Variants in ASTN2 observed in about 807,000 individuals in gnomAD.
ASTN2 encodes astrotactin 2, also known as astrotactin-2.
ASTN2 carries 54 observed loss-of-function variants against 139.8 expected under a neutral mutation model. That is an observed-to-expected ratio of 0.39 (90% confidence interval 0.31 to 0.48). The LOEUF (loss-of-function observed/expected upper bound fraction) is 0.48, where lower values mean the gene tolerates loss of function less well. Ranked by LOEUF, ASTN2 falls within the 20% of genes least tolerant of loss-of-function variation. The pLI is 0.95. For missense variants in ASTN2, 1,565 were observed against 1,725.1 expected (o/e 0.91, Z 1.64); for synonymous variants, 756 against 719.5 (o/e 1.05, Z -0.81).
intron 19 of ASTN2, chr9:116,583,600 A>C (rs1854035388): frequency 6.6e-6 from 1 of 151,996 alleles, no homozygotes; most frequent in Non-Finnish European, 1.5e-5. Flanking sequence ...AAAAGTTTTC[A>C]GAAGGTGAAA....
At chr9:116,850,419 C>A (rs886126847) in intron 11 of ASTN2, among the ~76,000 whole-genome samples, 1 of 152,128 alleles carries the variant, frequency 6.6e-6, no homozygotes, top group Non-Finnish European at 1.5e-5. Context: ...TGCTGGGAAG[C>A]CAGACCCCAG....
At chr9:116,472,463 T>C (rs545669716) in intron 20 of ASTN2, among the ~76,000 whole-genome samples, 1 of 152,310 alleles carries the variant, frequency 6.6e-6, no homozygotes, top group South Asian at 2.1e-4. Flanking sequence ...CCAATATGAT[T>C]AGCTGCTTAA....
intron 13 of ASTN2, among the ~76,000 whole-genome samples, chr9:116,797,796 G>T (rs539180689): frequency 5.9e-5 from 9 of 152,302 alleles, no homozygotes; most frequent in Admixed American, 2.0e-4. Context: ...TTCTCTATGG[G>T]ACCTTGGCAT....
At chr9:117,074,594 C>A (rs1183091666) in intron 5 of ASTN2, among the ~76,000 whole-genome samples, 1 of 152,128 alleles carries the variant, frequency 6.6e-6, no homozygotes, top group Non-Finnish European at 1.5e-5. Flanking sequence ...ATATTAACAG[C>A]AGGCAGGATG....
At chr9:116,972,335 A>G (rs1454151969) in intron 10 of ASTN2, among the ~76,000 whole-genome samples, 1 of 152,130 alleles carries the variant, frequency 6.6e-6, no homozygotes, top group Non-Finnish European at 1.5e-5. Flanking sequence ...ATTCATTATT[A>G]ATGGCATTCC....
chr9:117,004,542 T>C (rs1031256697), intron 7 of ASTN2, among the ~76,000 whole-genome samples: 1 of 152,170 alleles, frequency 6.6e-6, no homozygotes, highest in African/African-American at 2.4e-5. Flanking sequence ...AAAGTTAACC[T>C]GGAGAAGTCG....
intron 19 of ASTN2, among the ~76,000 whole-genome samples, chr9:116,555,671 G>C (rs1852579170): frequency 6.6e-6 from 1 of 152,096 alleles, no homozygotes; most frequent in Non-Finnish European, 1.5e-5. Context: ...GGAAGGAAAG[G>C]ATGATGGATT....
chr9:117,184,725 A>C (rs747862816), intron 3 of ASTN2, among the ~76,000 whole-genome samples: 7 of 152,176 alleles, frequency 4.6e-5, no homozygotes, highest in Non-Finnish European at 1.0e-4. Flanking sequence ...ACTGAGTTCC[A>C]ACTCAGCTTC....
At chr9:117,079,223 G>C (rs1267012798) in intron 5 of ASTN2, among the ~76,000 whole-genome samples, 2 of 152,134 alleles carry the variant, frequency 1.3e-5, no homozygotes, top group African/African-American at 4.8e-5. Context: ...ACGTGTGGTG[G>C]TGCGTGACTG....
intron 1 of ASTN2, among the ~76,000 whole-genome samples, chr9:117,342,187 C>T (rs1829081857): frequency 6.6e-6 from 1 of 152,136 alleles, no homozygotes; most frequent in Non-Finnish European, 1.5e-5. Context: ...CATCCTGGGT[C>T]TGTGAATAGG....
chr9:116,584,591 A>T (rs1260132033), intron 19 of ASTN2: 1 of 152,232 alleles, frequency 6.6e-6, no homozygotes, highest in Non-Finnish European at 1.5e-5. Context: ...TACAACTAGC[A>T]TTATACTTAA....
chr9:116,859,395 C>A (rs1467115880), intron 11 of ASTN2, among the ~76,000 whole-genome samples: 1 of 152,072 alleles, frequency 6.6e-6, no homozygotes, highest in East Asian at 1.9e-4. Flanking sequence ...CACAGCAGAA[C>A]CAGAAAGCTG....
At chr9:116,666,639 T>C (rs1354979025) in intron 16 of ASTN2, among the ~76,000 whole-genome samples, 1 of 152,176 alleles carries the variant, frequency 6.6e-6, no homozygotes, top group African/African-American at 2.4e-5. Context: ...TTTTATAGTC[T>C]TTTGTATTTT....
At chr9:117,351,316 G>A (rs1166689865) in intron 1 of ASTN2, among the ~76,000 whole-genome samples, 2 of 152,094 alleles carry the variant, frequency 1.3e-5, no homozygotes, top group African/African-American at 4.8e-5. Context: ...TATAACTTTC[G>A]AGAAACTTTT....
At chr9:116,537,150 C>A (rs1038918846) in intron 19 of ASTN2, among the ~76,000 whole-genome samples, 28 of 152,216 alleles carry the variant, frequency 1.8e-4, no homozygotes, top group Non-Finnish European at 3.5e-4. Context: ...TGAGACCCTC[C>A]GAGCCACGTG....
chr9:117,024,193 T>A (rs1427917572), intron 6 of ASTN2, among the ~76,000 whole-genome samples: 2 of 152,162 alleles, frequency 1.3e-5, no homozygotes, highest in African/African-American at 2.4e-5. Flanking sequence ...GATGTCTACC[T>A]CAGTGAGAAT....
At chr9:116,842,146 G>A (rs1052809067) in intron 11 of ASTN2, among the ~76,000 whole-genome samples, 7 of 152,200 alleles carry the variant, frequency 4.6e-5, no homozygotes, top group Non-Finnish European at 8.8e-5. Context: ...GCCCTGTAAT[G>A]AGTTATCGGA....
intron 3 of ASTN2, among the ~76,000 whole-genome samples, chr9:117,171,521 A>G (rs1830792640): frequency 6.6e-6 from 1 of 152,140 alleles, no homozygotes; most frequent in Non-Finnish European, 1.5e-5. Flanking sequence ...CTGTGTCCCC[A>G]CCCAAATCTC....
chr9:116,784,161 C>A (rs1588290270), intron 13 of ASTN2, among the ~76,000 whole-genome samples: 1 of 152,146 alleles, frequency 6.6e-6, no homozygotes, highest in Middle Eastern at 3.4e-3. Context: ...GGATTTGAAC[C>A]CACATCTACT....
Sources: gnomAD v4.1 joint callset for allele counts (sites outside exome capture counted in the v4.1 genomes callset) on GRCh38, gnomAD v4.1.1 for gene constraint, MANE v1.5 for transcripts, NCBI Gene and HGNC (gene_info 2026-07-23, HGNC 2026-07-21) for gene names.